MAP3K15: variants seen among roughly 807,000 people sequenced by gnomAD.
The protein encoded by MAP3K15 is mitogen-activated protein kinase kinase kinase 15.
Under a neutral mutation model 99.5 loss-of-function variants are expected in MAP3K15, and 124 were observed. The observed-to-expected ratio is 1.25, with a 90% CI of 1.08 to 1.45. MAP3K15 has a LOEUF of 1.45. MAP3K15 is among the 40% of genes most tolerant of loss of function. The pLI, the probability that MAP3K15 is intolerant of heterozygous loss-of-function variation, is 0.00. For missense variants in MAP3K15, 1,242 were observed against 1,079.7 expected, an observed-to-expected ratio of 1.15 and a Z score of -2.11; for synonymous variants, 494 against 439.6, an observed-to-expected ratio of 1.12 and a Z score of -1.55.
chrX:19,406,263 A>G (rs1207716081), intron 13 of MAP3K15, among the ~76,000 whole-genome samples: 1 of 112,685 alleles, frequency 8.9e-6, no homozygotes, highest in East Asian at 2.8e-4. Flanking sequence ...CCTCACAAAT[A>G]CTTGCACGTG....
At chrX:19,396,981 C>T (rs1414774260) in intron 15 of MAP3K15, among the ~76,000 whole-genome samples, 1 of 108,741 alleles carries the variant, frequency 9.2e-6, no homozygotes, top group Non-Finnish European at 1.9e-5. Context: ...CTCACTGTAG[C>T]CTCTGCCTCC....
At chrX:19,433,928 A>G (rs1207396346) in intron 6 of MAP3K15, among the ~76,000 whole-genome samples, 1 of 111,522 alleles carries the variant, frequency 9.0e-6, no homozygotes, top group East Asian at 2.8e-4. Context: ...TGCAACAACC[A>G]GACTACAGAA....
intron 1 of MAP3K15, among the ~76,000 whole-genome samples, chrX:19,496,033 G>A (rs2064399019): frequency 9.2e-6 from 1 of 108,279 alleles, no homozygotes; most frequent in South Asian, 4.0e-4. Flanking sequence ...TCCAACTCTG[G>A]GTTCCCTGGC....
intron 9 of MAP3K15, among the ~76,000 whole-genome samples, chrX:19,418,040 G>A (rs1303232461): frequency 9.0e-6 from 1 of 111,709 alleles, no homozygotes; most frequent in African/African-American, 3.3e-5. Context: ...AACCCCATCT[G>A]TACGTCACCT....
intron 6 of MAP3K15, 142 bp from the exon 7 acceptor site, chrX:19,431,750 A>C (rs1358897908): frequency 9.5e-6 from 4 of 420,624 alleles, no homozygotes; most frequent in Non-Finnish European, 1.6e-5. Context: ...GTTCAACACC[A>C]GCCTGGCCAA....
chrX:19,368,502 G>A (rs1462319602), intron 25 of MAP3K15, among the ~76,000 whole-genome samples: 2 of 113,144 alleles, frequency 1.8e-5, no homozygotes, highest in East Asian at 5.5e-4. Flanking sequence ...CCAGTGCATT[G>A]GAGGAATATG....
chrX:19,425,494 T>C (rs763748320), intron 9 of MAP3K15, 37 bp downstream of exon 9: 3 of 1,144,341 alleles, frequency 2.6e-6, no homozygotes, highest in Admixed American at 2.4e-5. Flanking sequence ...AGATCATGTA[T>C]TGAGATGGGT....
chrX:19,362,829 T>C lies in MAP3K15; in HGVS notation c.3588A>G (p.Glu1196=). 8.6e-7 allele frequency: 1 copy of C among 1,165,910 alleles called. No homozygotes were observed. The highest frequency in any genetic ancestry group is 1.9e-5 in the African/African-American group (1 of 53,488). The change falls in exon 26 of 29, where the codon GAA becomes GAG. Residue 1196 remains glutamate (E), a synonymous_variant. Coordinates refer to ENST00000338883, the MANE Select transcript of MAP3K15 (RefSeq NM_001001671.4). ...GAAGATTCTGGTACTCTCTCTCTTT[T>C]TCAACTAGGTGTTCCAAAAGTCTGG... ...ETNRLLEHLV[E]KEREYQNLLR... is the part of the protein sequence containing the mutation.
chrX:19,431,007 G>A (rs2147311695), intron 7 of MAP3K15, among the ~76,000 whole-genome samples: 1 of 111,808 alleles, frequency 8.9e-6, no homozygotes, highest in Admixed American at 9.5e-5. Context: ...GGCCCCCAAG[G>A]GCAGGATTCA....
At chrX:19,450,889 A>C (rs1425400316) in intron 6 of MAP3K15, among the ~76,000 whole-genome samples, 1 of 9,963 alleles carries the variant, frequency 1.0e-4, no homozygotes, top group Admixed American at 1.5e-3. Context: ...TCATTTATCA[A>C]AAAAAAAAAA....
At chrX:19,401,946 G>C (rs1275345628) in intron 13 of MAP3K15, among the ~76,000 whole-genome samples, 1 of 110,909 alleles carries the variant, frequency 9.0e-6, no homozygotes, top group Non-Finnish European at 1.9e-5. Flanking sequence ...CAATCGTCAG[G>C]CTTCTTAAGA....
intron 15 of MAP3K15, among the ~76,000 whole-genome samples, chrX:19,397,977 T>A (rs1401822554): frequency 9.3e-6 from 1 of 107,680 alleles, no homozygotes; most frequent in Non-Finnish European, 1.9e-5. Flanking sequence ...GCCATGAGAA[T>A]TGCTTGAACC....
intron 5 of MAP3K15, among the ~76,000 whole-genome samples, chrX:19,458,124 C>A (rs1206158870): frequency 1.8e-5 from 2 of 112,158 alleles, no homozygotes; most frequent in Non-Finnish European, 3.8e-5. Context: ...CAGAACAGGG[C>A]TTCCCACTGA....
At chrX:19,405,127 TTACA>T (rs2063638219) in intron 13 of MAP3K15, among the ~76,000 whole-genome samples, 1 of 109,895 alleles carries the variant, frequency 9.1e-6, no homozygotes, top group African/African-American at 3.3e-5. Context: ...GATAAAGAAC[TTACA>T]TAGAGAAAAA....
chrX:19,420,395 A>G (rs1456626249), intron 9 of MAP3K15, among the ~76,000 whole-genome samples: 1 of 111,947 alleles, frequency 8.9e-6, no homozygotes, highest in African/African-American at 3.3e-5. Context: ...ACCATCAGAG[A>G]ATACTACAAA....
intron 6 of MAP3K15, 50 bp downstream of exon 6, chrX:19,456,863 A>G (rs2064096830): frequency 1.1e-6 from 1 of 945,963 alleles, no homozygotes; most frequent in Admixed American, 2.5e-5. Context: ...AGGAAGCACA[A>G]TTCAATGGGT....
At chrX:19,413,113 TACACACACAC>T (rs377362996) in intron 11 of MAP3K15, among the ~76,000 whole-genome samples, 5 of 98,695 alleles carry the variant, frequency 5.1e-5, no homozygotes, top group African/African-American at 3.8e-5. Context: ...AATGTTTTTA[TACACACACAC>T]ACACACACAC....
intron 6 of MAP3K15, among the ~76,000 whole-genome samples, chrX:19,443,237 A>T (rs967785468): frequency 3.0e-4 from 27 of 89,465 alleles, no homozygotes; most frequent in Middle Eastern, 8.9e-3. Context: ...TTTACCATGT[A>T]GACCAGGCTG....
rs2147229268 is a variant in MAP3K15 at position 19,380,155 on chromosome X, G to A, written c.2554C>T (p.His852Tyr). ...GCTGCCTGCGGCTCACCAAGCTCAT[G>A]GAACGGAGGCTTGCTGGTGGCCATC... ...IEMATSKPPF[H>Y]ELGEPQAAMF... Residue 852 changes from histidine to tyrosine, a missense_variant, in exon 19 of 29, where the codon CAT becomes TAT. Physicochemically the swap from His to Tyr is moderately conservative, Grantham distance 83 (BLOSUM62 2). Transcript: ENST00000338883. 8.4e-7 allele frequency: 1 copy of A among 1,196,829 alleles called. No individual in the cohort carries two copies. The highest frequency in any genetic ancestry group is 1.8e-5 in the South Asian group (1 of 54,133).
Sources: gnomAD v4.1 joint callset for allele counts (sites outside exome capture counted in the v4.1 genomes callset) on GRCh38, gnomAD v4.1.1 for gene constraint, MANE v1.5 for transcripts, NCBI Gene and HGNC (gene_info 2026-07-23, HGNC 2026-07-21) for gene names.